Variants in PPP4R3B observed in about 807,000 individuals in gnomAD.
The protein encoded by PPP4R3B is serine/threonine-protein phosphatase 4 regulatory subunit 3B.
A neutral mutation model predicts 95.4 loss-of-function variants in PPP4R3B; 52 were observed. That is an observed-to-expected ratio of 0.54 (90% confidence interval 0.44 to 0.69). PPP4R3B has a LOEUF of 0.69. Ranked by LOEUF, PPP4R3B falls within the 30% of genes least tolerant of loss-of-function variation. The pLI is 0.00. For missense variants in PPP4R3B, 1,003 were observed against 1,005.9 expected, an observed-to-expected ratio of 1.00 and a Z score of 0.04; for synonymous variants, 407 against 343.9, an observed-to-expected ratio of 1.18 and a Z score of -2.03.
At chr2:55,566,825 A>G (rs2103967989) in intron 13 of PPP4R3B, among the ~76,000 whole-genome samples, 1 of 152,240 alleles carries the variant, frequency 6.6e-6, no homozygotes, top group African/African-American at 2.4e-5. Context: ...TGGGCAACAA[A>G]GGGAGACCCC....
chr2:55,578,507 A>C (rs1688998804), intron 9 of PPP4R3B, among the ~76,000 whole-genome samples, 165 bp from the exon 10 acceptor site: 4 of 152,094 alleles, frequency 2.6e-5, no homozygotes, highest in Admixed American at 2.6e-4. Context: ...TCTGCAAGAA[A>C]ACCCTCTGCG....
intron 3 of PPP4R3B, among the ~76,000 whole-genome samples, chr2:55,601,713 A>T (rs1358874600): frequency 6.6e-6 from 1 of 152,180 alleles, no homozygotes; most frequent in African/African-American, 2.4e-5. Flanking sequence ...GTGGGATTCT[A>T]GTAATGTGCT....
chr2:55,603,493 A>G (rs1260612107), intron 3 of PPP4R3B, among the ~76,000 whole-genome samples: 1 of 152,168 alleles, frequency 6.6e-6, no homozygotes. Flanking sequence ...CCTAAAACAA[A>G]AGGTTTCTTT....
Position 55,577,317 on chromosome 2 carries a change from G to A in PPP4R3B, c.1604C>T (p.Pro535Leu). The A allele has an allele frequency of 1.3e-6, 2 of 1,546,448 alleles. No individual in the cohort carries two copies. Among genetic ancestry groups the A allele is most frequent in the East Asian group, 2.4e-5 (1 of 41,884 alleles). The change falls in exon 11 of 17, where the codon CCC (proline) becomes CTC (leucine). Residue 535 changes from proline (P) to leucine (L), a missense_variant and splice_region_variant. Physicochemically the swap from Pro to Leu is moderately conservative, Grantham distance 98. Around this residue, in one of 3 missense-constraint regions of PPP4R3B, gnomAD observed 695 missense variants for 686.2 expected, o/e 1.01. Transcript: ENST00000616407. ...ATAAAGTATGAATTCATACTTACCG[G>A]GACAAATTGTGTTGTTTTTGTTTGA... ...VGSNKNNTICPDNYQTAQLLA... is the reference protein window; with the variant it reads ...VGSNKNNTICLDNYQTAQLLA...
intron 2 of PPP4R3B, 37 bp from the exon 3 acceptor site, chr2:55,604,113 G>C (rs1336049552): frequency 6.7e-7 from 1 of 1,489,908 alleles, no homozygotes; most frequent in East Asian, 2.3e-5. Context: ...CATCACACTA[G>C]AAAAGAGGTA....
rs1015814673 is a variant in PPP4R3B, at chr2:55,572,220, A to G, written c.1765+1399T>C. On this transcript the variant is annotated intron_variant, in intron 12 of 16. Coordinates refer to ENST00000616407, the MANE Select transcript of PPP4R3B (RefSeq NM_001122964.3). ...GAGAATATCTGCATAATCTTAGGAC[A>G]TAAGACTTTCCTAAGCAAAACAAAA... 7.6e-5 allele frequency among the ~76,000 whole-genome samples: 9 copies of G among 118,902 alleles called. No individual in the cohort carries two copies. The East Asian group carries it at 1.6e-3, about 21-fold the overall frequency. The allele number at this position is 118,902 out of a possible 152,430, so 78.0% of individuals were successfully genotyped here. A position where few individuals can be genotyped will look rare whatever the true frequency, so the allele number is the denominator to read the frequency against.
At chr2:55,584,413 C>T (rs1474674922) in intron 7 of PPP4R3B, among the ~76,000 whole-genome samples, 1 of 152,028 alleles carries the variant, frequency 6.6e-6, no homozygotes, top group Non-Finnish European at 1.5e-5. Context: ...AAGTTCTTTG[C>T]TGGTGATTTG....
intron 12 of PPP4R3B, among the ~76,000 whole-genome samples, chr2:55,572,627 AT>A (rs1213651465): frequency 2.0e-5 from 3 of 152,228 alleles, no homozygotes; most frequent in African/African-American, 7.2e-5. Context: ...TGGCAGCTAT[AT>A]GGTAAATTAA....
chr2:55,607,748 G>A (rs909651641), intron 2 of PPP4R3B, among the ~76,000 whole-genome samples: 3 of 152,110 alleles, frequency 2.0e-5, no homozygotes, highest in East Asian at 1.9e-4. Flanking sequence ...GGAGGATGGC[G>A]GATGGGGTTC....
intron 2 of PPP4R3B, chr2:55,614,304 A>G (rs1694600229): frequency 6.6e-6 from 1 of 152,182 alleles, no homozygotes; most frequent in African/African-American, 2.4e-5. Context: ...TTCCTTCAAA[A>G]ATCTCTGCCA....
intron 4 of PPP4R3B, among the ~76,000 whole-genome samples, chr2:55,593,963 C>T (rs529174178): frequency 3.3e-5 from 5 of 152,134 alleles, no homozygotes; most frequent in Non-Finnish European, 7.4e-5. Context: ...TATATATACA[C>T]TGTGGAATAC....
chr2:55,573,672 A>C lies in PPP4R3B; in HGVS notation c.1712T>G (p.Leu571Trp), dbSNP rs1688284887. 6.5e-7 allele frequency: 1 copy of C among 1,545,974 alleles called. No homozygotes were observed. Among genetic ancestry groups the C allele is most frequent in the African/African-American group, 1.4e-5 (1 of 72,738 alleles). Residue 571 changes from leucine to tryptophan, a missense_variant, in exon 12 of 17, where the codon TTG becomes TGG. Leu to Trp is a moderately conservative substitution (Grantham distance 61). This residue lies in a region of PPP4R3B where 695 missense variants were observed against 686.2 expected (regional missense o/e 1.01). Coordinates refer to ENST00000616407, the MANE Select transcript of PPP4R3B (RefSeq NM_001122964.3). ...HIKNYIMNKD[L>W]LRRVLVLMNS... ...CATCAAGACCAAGACTCTTCTTAGC[A>C]AGTCCTTGTTCATAATATAGTTTTT...
Position 55,586,697 on chromosome 2 carries a change from G to T in PPP4R3B, c.1037C>A (p.Thr346Lys). The part of the protein sequence containing the change: ...FFKEFCAFSQ[T>K]LQPQNRDAFF... ...TGCATCCCTGTTTTGAGGTTGTAAT[G>T]TCTGAGAAAATGCACAAAACTCCTT... is the stretch of plus-strand genomic sequence containing the variant. Residue 346 changes from threonine (T) to lysine (K), a missense_variant, in exon 6 of 17, where the codon ACA becomes AAA. Physicochemically the swap from Thr to Lys is moderately conservative, Grantham distance 78 (BLOSUM62 -1). This residue lies in a region of PPP4R3B where 695 missense variants were observed against 686.2 expected (regional missense o/e 1.01). Coordinates refer to ENST00000616407, the MANE Select transcript of PPP4R3B (RefSeq NM_001122964.3). 6.2e-7 allele frequency: 1 copy of T among 1,607,206 alleles called. No homozygotes were observed. Among genetic ancestry groups the T allele is most frequent in the Middle Eastern group, 1.7e-4 (1 of 6,048 alleles).
intron 2 of PPP4R3B, 35 bp downstream of exon 2, chr2:55,615,416 G>A: frequency 6.9e-7 from 1 of 1,441,562 alleles, no homozygotes; most frequent in Non-Finnish European, 9.6e-7. Flanking sequence ...GATCACAGAT[G>A]AAGTCTTTCA....
At chr2:55,610,835 T>C (rs931300758) in intron 2 of PPP4R3B, among the ~76,000 whole-genome samples, 1 of 152,030 alleles carries the variant, frequency 6.6e-6, no homozygotes, top group South Asian at 2.1e-4. Context: ...TAACACACAA[T>C]TGTGTTAAAT....
chr2:55,582,726 G>C (rs1423606916), intron 7 of PPP4R3B, among the ~76,000 whole-genome samples: 1 of 152,040 alleles, frequency 6.6e-6, no homozygotes, highest in Non-Finnish European at 1.5e-5. Flanking sequence ...CGAGAGGAGA[G>C]CATAAATCTT....
At chr2:55,576,690 A>G (rs1167637369) in intron 11 of PPP4R3B, among the ~76,000 whole-genome samples, 3 of 152,246 alleles carry the variant, frequency 2.0e-5, no homozygotes, top group Non-Finnish European at 2.9e-5. Context: ...CGACAGAGTG[A>G]GACTCCATCT....
intron 2 of PPP4R3B, among the ~76,000 whole-genome samples, chr2:55,606,453 G>C (rs1324074286): frequency 1.3e-5 from 2 of 151,940 alleles, no homozygotes; most frequent in Non-Finnish European, 1.5e-5. Flanking sequence ...GGGAGGCTAA[G>C]GCAAGTGGAT....
At chr2:55,600,012 T>A (rs1209188646) in intron 3 of PPP4R3B, among the ~76,000 whole-genome samples, 1 of 152,254 alleles carries the variant, frequency 6.6e-6, no homozygotes, top group Admixed American at 6.5e-5. Flanking sequence ...AAATTATCTT[T>A]GCTCTTGTTT....
Sources: allele counts gnomAD v4.1 joint callset (sites outside exome capture counted in the v4.1 genomes callset), GRCh38; gene constraint gnomAD v4.1.1; regional missense constraint gnomAD v4.1.1; transcripts MANE v1.5; gene names NCBI Gene and HGNC (gene_info 2026-07-23, HGNC 2026-07-21).